MAGI2: variants seen among roughly 807,000 people sequenced by gnomAD.
MAGI2 encodes membrane-associated guanylate kinase, WW and PDZ domain-containing protein 2.
Under a neutral mutation model 133.3 loss-of-function variants are expected in MAGI2, and 35 were observed. That is an observed-to-expected ratio of 0.26 (90% confidence interval 0.20 to 0.35). MAGI2 has a LOEUF of 0.35. Ranked by LOEUF, MAGI2 falls within the 10% of genes least tolerant of loss-of-function variation. The probability of loss-of-function intolerance (pLI) is 1.00; values close to 1 mark genes in which losing one functional copy is unlikely to be tolerated. For synonymous variants in MAGI2, 729 were observed against 710.6 expected (o/e 1.03, Z -0.41); for missense variants, 1,636 against 1,863.4 (o/e 0.88, Z 2.25).
intron 2 of MAGI2, among the ~76,000 whole-genome samples, chr7:78,651,887 G>A (rs1811614221): frequency 6.6e-6 from 1 of 151,942 alleles, no homozygotes; most frequent in Non-Finnish European, 1.5e-5. Flanking sequence ...GAAGCTAAAA[G>A]AGAAAAGAAA....
chr7:78,328,221 T>TA (rs1179647922), intron 9 of MAGI2, among the ~76,000 whole-genome samples: 9 of 151,652 alleles, frequency 5.9e-5, no homozygotes, highest in East Asian at 3.9e-4. Flanking sequence ...TGCATTTTGT[T>TA]AAAAAAAACC....
At chr7:79,214,585 CAG>C (rs941802380) in intron 1 of MAGI2, among the ~76,000 whole-genome samples, 1 of 139,758 alleles carries the variant, frequency 7.2e-6, no homozygotes, top group Non-Finnish European at 1.5e-5. Context: ...CGGATAGAGA[CAG>C]AGAGAGAGTG....
At chr7:79,184,022 C>G (rs1826849938) in intron 1 of MAGI2, among the ~76,000 whole-genome samples, 1 of 151,418 alleles carries the variant, frequency 6.6e-6, no homozygotes, top group Non-Finnish European at 1.5e-5. Context: ...GTTGATCGAA[C>G]AATACAGAGT....
chr7:78,234,235 G>C (rs1790271890), intron 10 of MAGI2, among the ~76,000 whole-genome samples: 1 of 152,096 alleles, frequency 6.6e-6, no homozygotes, highest in Admixed American at 6.6e-5. Context: ...ATTTTTAGTG[G>C]AAGTATCACT....
chr7:78,146,404 T>G (rs1193286213), intron 16 of MAGI2, among the ~76,000 whole-genome samples: 1 of 152,108 alleles, frequency 6.6e-6, no homozygotes, highest in African/African-American at 2.4e-5. Flanking sequence ...CTTTAGTAAT[T>G]TTTAATCAGT....
chr7:78,484,973 C>T (rs1037989974), intron 6 of MAGI2: 15 of 151,906 alleles, frequency 9.9e-5, no homozygotes, highest in African/African-American at 3.6e-4. Context: ...ATAGTGTGAT[C>T]CTACTGGGTT....
chr7:79,325,666 A>G (rs1260605378), intron 1 of MAGI2, among the ~76,000 whole-genome samples: 1 of 152,202 alleles, frequency 6.6e-6, no homozygotes, highest in African/African-American at 2.4e-5. Context: ...GTGAGAAAAA[A>G]CATGAAAGAG....
At position 79,253,981 on chromosome 7, in the gene MAGI2, TCAAAA is replaced by T. The variant is rs71951560; in HGVS notation, c.301+199034_301+199038del. Among the ~76,000 whole-genome samples the T allele has an allele frequency of 2.5e-3, 383 of 151,158 alleles. 1 individual carries two copies. The highest frequency in any genetic ancestry group is 5.6e-3 in the African/African-American group (229 of 41,256). Reference sequence around the variant, plus strand: ...TTTGAGAGCTATGCTAAATTGCCCTTCAAAACAAAACAAAACAAAACAAAACAAAA... The same window carrying T: ...TTTGAGAGCTATGCTAAATTGCCCTTCAAAACAAAACAAAACAAAACAAAA... On this transcript the variant is annotated intron_variant, in intron 1 of 21. Coordinates refer to ENST00000354212, the MANE Select transcript of MAGI2 (RefSeq NM_012301.4).
At chr7:78,716,413 G>A (rs1316342894) in intron 2 of MAGI2, among the ~76,000 whole-genome samples, 1 of 152,122 alleles carries the variant, frequency 6.6e-6, no homozygotes, top group Non-Finnish European at 1.5e-5. Flanking sequence ...GAGAACATGT[G>A]TTAGTAGGAG....
At chr7:78,091,052 A>ATGTGTGTG (rs3084764) in intron 20 of MAGI2, among the ~76,000 whole-genome samples, 14,817 of 150,030 alleles carry the variant, frequency 0.099, 919 homozygotes, top group Middle Eastern at 0.17. Context: ...ATGTGTGTGT[A>ATGTGTGTG]TGTGTGTGTG....
chr7:78,991,777 G>A (rs937833618), intron 2 of MAGI2, among the ~76,000 whole-genome samples: 2 of 151,810 alleles, frequency 1.3e-5, no homozygotes, highest in African/African-American at 4.8e-5. Context: ...CAGTCTAAAA[G>A]TTTTGCTCAA....
At chr7:79,217,019 G>C (rs1830080351) in intron 1 of MAGI2, among the ~76,000 whole-genome samples, 1 of 152,078 alleles carries the variant, frequency 6.6e-6, no homozygotes, top group Non-Finnish European at 1.5e-5. Context: ...AAGCTAGTTT[G>C]TGTTAGACAG....
chr7:79,427,075 G>A (rs528602203), intron 1 of MAGI2, among the ~76,000 whole-genome samples: 11 of 152,244 alleles, frequency 7.2e-5, no homozygotes, highest in South Asian at 2.1e-4. Flanking sequence ...TGTATTGTAC[G>A]TAATCTAGAC....
intron 16 of MAGI2, among the ~76,000 whole-genome samples, chr7:78,153,137 C>T (rs938499191): frequency 6.6e-6 from 1 of 152,282 alleles, no homozygotes; most frequent in African/African-American, 2.4e-5. Flanking sequence ...AGGATAAGCA[C>T]CAGTTGCATC....
chr7:78,267,267 C>G (rs17150462), intron 9 of MAGI2, among the ~76,000 whole-genome samples: 28,780 of 152,134 alleles, frequency 0.19, 3,223 homozygotes, highest in South Asian at 0.31. Context: ...TTCAGAAGTG[C>G]TGCAGCATTA....
chr7:78,517,898 G>C (rs962492544), intron 4 of MAGI2, among the ~76,000 whole-genome samples: 1 of 151,814 alleles, frequency 6.6e-6, no homozygotes, highest in Non-Finnish European at 1.5e-5. Flanking sequence ...GAACTTCCTG[G>C]AGAACTTATA....
intron 6 of MAGI2, among the ~76,000 whole-genome samples, chr7:78,375,483 T>A (rs1794355775): frequency 6.6e-6 from 1 of 152,058 alleles, no homozygotes; most frequent in South Asian, 2.1e-4. Context: ...AATTTAGGAA[T>A]CATGCAATGT....
At chr7:78,280,279 A>C (rs1330808316) in intron 9 of MAGI2, among the ~76,000 whole-genome samples, 1 of 151,992 alleles carries the variant, frequency 6.6e-6, no homozygotes, top group Admixed American at 6.6e-5. Flanking sequence ...TACCTCCTTC[A>C]CAAAGAAAGA....
At chr7:78,190,203 A>G (rs992261624) in intron 12 of MAGI2, among the ~76,000 whole-genome samples, 7 of 152,180 alleles carry the variant, frequency 4.6e-5, no homozygotes, top group African/African-American at 1.7e-4. Context: ...AGATTTGTAC[A>G]TATGTCTAAC....
Sources: allele counts gnomAD v4.1 joint callset (sites outside exome capture counted in the v4.1 genomes callset), GRCh38; gene constraint gnomAD v4.1.1; transcripts MANE v1.5; gene names NCBI Gene and HGNC (gene_info 2026-07-23, HGNC 2026-07-21).